The following STK3 variants were observed in gnomAD, a reference collection of about 807,000 sequenced individuals.
STK3 encodes serine/threonine-protein kinase 3.
In STK3, 41 loss-of-function variants were observed where a neutral mutation model predicts 58.0. The ratio of observed to expected loss-of-function variants is 0.71; its 90% CI spans 0.55 to 0.92. The LOEUF is 0.92. Ranked by LOEUF, STK3 falls within the 40% of genes least tolerant of loss-of-function variation. The pLI is 0.00. For synonymous variants in STK3, 170 were observed against 191.0 expected (o/e 0.89, Z 0.91); for missense variants, 479 against 602.7 (o/e 0.79, Z 2.15).
intron 1 of STK3, among the ~76,000 whole-genome samples, chr8:98,778,078 C>G (rs1831824797): frequency 6.6e-6 from 1 of 152,118 alleles, no homozygotes; most frequent in Non-Finnish European, 1.5e-5. Context: ...AAACTACCAT[C>G]AGAGTGAACA....
chr8:98,778,275 A>G (rs1360005920), intron 1 of STK3, among the ~76,000 whole-genome samples: 2 of 152,280 alleles, frequency 1.3e-5, no homozygotes, highest in African/African-American at 4.8e-5. Flanking sequence ...AGACACATGA[A>G]AACATGCTCA....
chr8:98,352,068 T>C, the STK3 span, among the ~76,000 whole-genome samples: 1 of 141,820 alleles, frequency 7.1e-6, no homozygotes, highest in Non-Finnish European at 1.5e-5. Flanking sequence ...ATCCGGGAGA[T>C]GGAGCTTGTA....
chr8:98,918,814 C>T (rs1176435982), intron 1 of STK3, among the ~76,000 whole-genome samples: 1 of 151,790 alleles, frequency 6.6e-6, no homozygotes, highest in Non-Finnish European at 1.5e-5. Flanking sequence ...AAAATCTAAA[C>T]CTTTGTTTAA....
At chr8:98,421,181 G>A (rs1818169023) in intron 3 of STK3, among the ~76,000 whole-genome samples, 1 of 152,182 alleles carries the variant, frequency 6.6e-6, no homozygotes, top group African/African-American at 2.4e-5. Flanking sequence ...CAGTGAGAGG[G>A]GATGGGGGCT....
chr8:98,824,869 C>T (rs1835149894), intron 1 of STK3, among the ~76,000 whole-genome samples: 1 of 152,160 alleles, frequency 6.6e-6, no homozygotes, highest in Non-Finnish European at 1.5e-5. Flanking sequence ...TCAAACAATT[C>T]GTTAATTCAT....
chr8:98,359,614 A>G, the STK3 span, among the ~76,000 whole-genome samples: 1 of 152,024 alleles, frequency 6.6e-6, no homozygotes, highest in East Asian at 1.9e-4. Flanking sequence ...GATCTCCCTC[A>G]CTGCAATAGT....
chr8:98,610,184 T>C (rs190331752), intron 6 of STK3, among the ~76,000 whole-genome samples: 1,389 of 84,782 alleles, frequency 0.016, 18 homozygotes, highest in African/African-American at 0.096. Flanking sequence ...TACCAAAATG[T>C]TTCAAAACAG....
At chr8:98,529,969 T>G (rs1826047203) in intron 9 of STK3, among the ~76,000 whole-genome samples, 1 of 152,130 alleles carries the variant, frequency 6.6e-6, no homozygotes, top group Middle Eastern at 3.2e-3. Flanking sequence ...GCTGCACAAC[T>G]TTATGGAAGT....
intron 6 of STK3, among the ~76,000 whole-genome samples, chr8:98,696,006 T>A (rs1380807465): frequency 6.6e-6 from 1 of 152,108 alleles, no homozygotes; most frequent in Non-Finnish European, 1.5e-5. Context: ...GCATGGAATG[T>A]TCTTCCATTT....
At chr8:98,785,729 T>A (rs1485066572) in intron 1 of STK3, among the ~76,000 whole-genome samples, 1 of 151,778 alleles carries the variant, frequency 6.6e-6, no homozygotes, top group African/African-American at 2.4e-5. Context: ...CAGCCCAATA[T>A]AAAACCTGCC....
At chr8:98,736,379 G>C (rs1366191110) in intron 4 of STK3, among the ~76,000 whole-genome samples, 1 of 152,146 alleles carries the variant, frequency 6.6e-6, no homozygotes, top group Non-Finnish European at 1.5e-5. Flanking sequence ...TATGAAGCCA[G>C]TTCTTATTCT....
chr8:98,904,656 C>T lies in STK3; in HGVS notation c.-78-20822G>A, dbSNP rs180872046. On this transcript the variant is annotated intron_variant, in intron 1 of 1. Coordinates refer to the STK3 transcript ENST00000519420. ...TGCTCCCGTTCATACCGGGCCATGTCGTGTAGAGAATTCCGTGTAGCTGCT... is the reference window on the plus strand; with the variant it reads ...TGCTCCCGTTCATACCGGGCCATGTTGTGTAGAGAATTCCGTGTAGCTGCT... 239 of 636,194 alleles carry T rather than the reference C, an allele frequency of 3.8e-4. No individual in the cohort carries two copies. The African/African-American group carries it at 3.9e-3, about 10-fold the overall frequency. The allele number at this position is 636,194 out of a possible 1,614,324, so 39.4% of individuals were successfully genotyped here.
At chr8:98,470,278 G>A (rs1820820104) in intron 10 of STK3, among the ~76,000 whole-genome samples, 1 of 152,178 alleles carries the variant, frequency 6.6e-6, no homozygotes, top group Non-Finnish European at 1.5e-5. Flanking sequence ...CCTATTTTCA[G>A]TTAGGAATGC....
intron 3 of STK3, among the ~76,000 whole-genome samples, chr8:98,854,843 G>A (rs1425573385): frequency 3.9e-5 from 6 of 152,076 alleles, no homozygotes; most frequent in Admixed American, 3.9e-4. Flanking sequence ...ATCACTTTGA[G>A]GTCAAGAGTT....
chr8:98,767,152 TA>T, intron 3 of STK3, 90 bp downstream of exon 3: 1 of 1,380,444 alleles, frequency 7.2e-7, no homozygotes, highest in Non-Finnish European at 9.6e-7. Context: ...AAATGAAAAC[TA>T]AACAGATGAT....
At chr8:98,364,002 C>T in the STK3 span, among the ~76,000 whole-genome samples, 1 of 152,148 alleles carries the variant, frequency 6.6e-6, no homozygotes, top group Non-Finnish European at 1.5e-5. Flanking sequence ...CTCTCTATCA[C>T]AGTCAGGCCA....
chr8:98,614,610 CG>C (rs1408346799), intron 6 of STK3, among the ~76,000 whole-genome samples: 1 of 149,580 alleles, frequency 6.7e-6, no homozygotes, highest in Non-Finnish European at 1.5e-5. Context: ...GCGCACCGTG[CG>C]CGAGCCGAAG....
At chr8:98,718,747 T>G (rs893008247) in intron 4 of STK3, among the ~76,000 whole-genome samples, 1 of 152,070 alleles carries the variant, frequency 6.6e-6, no homozygotes, top group South Asian at 2.1e-4. Flanking sequence ...ATGTTTAATA[T>G]AGTAAGTATT....
intron 3 of STK3, among the ~76,000 whole-genome samples, chr8:98,865,408 G>A (rs182044183): frequency 8.0e-4 from 121 of 151,956 alleles, no homozygotes; most frequent in Non-Finnish European, 1.3e-3. Context: ...GTCTCACTCT[G>A]TTGCCTAGGC....
Sources: allele counts gnomAD v4.1 joint callset (sites outside exome capture counted in the v4.1 genomes callset), GRCh38; gene constraint gnomAD v4.1.1; transcripts MANE v1.5; gene names NCBI Gene and HGNC (gene_info 2026-07-23, HGNC 2026-07-21).